The following SGPP2 variants were observed in gnomAD, a reference collection of about 807,000 sequenced individuals.
SGPP2 encodes the protein sphingosine 1-phosphate phosphohydrolase 2.
A neutral mutation model predicts 33.9 loss-of-function variants in SGPP2; 30 were observed. The ratio of observed to expected loss-of-function variants is 0.89; its 90% confidence interval spans 0.66 to 1.20. The LOEUF is 1.20. Among genes scored for constraint, SGPP2 ranks in the 50% most tolerant of loss-of-function variants. The pLI, the probability that SGPP2 is intolerant of heterozygous loss-of-function variation, is 0.00. For synonymous variants in SGPP2, 233 were observed against 225.0 expected (o/e 1.04, Z -0.32); for missense variants, 458 against 532.1 (o/e 0.86, Z 1.37).
At chr2:222,528,148 A>C (rs1382109844) in intron 4 of SGPP2, among the ~76,000 whole-genome samples, 1 of 152,164 alleles carries the variant, frequency 6.6e-6, no homozygotes, top group Non-Finnish European at 1.5e-5. Flanking sequence ...ACCCCATGGG[A>C]AGCTTCTAAA....
chr2:222,442,868 A>G (rs4597517), intron 1 of SGPP2, among the ~76,000 whole-genome samples: 118,934 of 152,108 alleles, frequency 0.78, 46,641 homozygotes, highest in Middle Eastern at 0.9. Context: ...ATAGCCCTCA[A>G]TATTAAGATT....
chr2:222,504,498 A>T (rs1320136418), intron 2 of SGPP2: 1 of 152,262 alleles, frequency 6.6e-6, no homozygotes. Context: ...GGTGATAGGA[A>T]TAATAACCCT....
chr2:222,456,592 C>T (rs572421129), intron 1 of SGPP2, among the ~76,000 whole-genome samples: 24 of 152,272 alleles, frequency 1.6e-4, no homozygotes, highest in African/African-American at 5.3e-4. Context: ...ATACCTAATC[C>T]TCAGTACAAA....
intron 1 of SGPP2, among the ~76,000 whole-genome samples, chr2:222,455,831 G>C (rs537362895): frequency 6.6e-6 from 1 of 152,340 alleles, no homozygotes; most frequent in East Asian, 1.9e-4. Flanking sequence ...GAGCCCAGGA[G>C]TTTGATGCTT....
At chr2:222,527,894 C>T (rs74613339) in intron 4 of SGPP2, among the ~76,000 whole-genome samples, 131 of 152,278 alleles carry the variant, frequency 8.6e-4, no homozygotes, top group African/African-American at 2.9e-3. Flanking sequence ...TCAGCTCCTA[C>T]AGGCCCCTGG....
In SGPP2 at chr2:222,500,930, A is replaced by G. The variant is rs561094039; in HGVS notation, c.379-20837A>G. ...TCTAGCGTGAGGAAATAGAACCAGC[A>G]ATATCAGCCTTTGGAGACAAAGAAC... On this transcript the variant is annotated intron_variant, in intron 2 of 4. Coordinates refer to ENST00000321276, the MANE Select transcript of SGPP2 (RefSeq NM_152386.4). 7.2e-4 allele frequency among the ~76,000 whole-genome samples: 109 copies of G among 152,330 alleles called. 1 individual carries two copies. Among genetic ancestry groups the G allele is most frequent in the South Asian group, 1.9e-3 (9 of 4,832 alleles).
At chr2:222,452,376 G>A (rs761151396) in intron 1 of SGPP2, 3 of 728,828 alleles carry the variant, frequency 4.1e-6, no homozygotes, top group Non-Finnish European at 7.5e-6. Context: ...GAGTCAAATT[G>A]AGTAATATCA....
chr2:222,535,144 AGGC>A (rs2106144252), intron 4 of SGPP2, among the ~76,000 whole-genome samples: 1 of 151,704 alleles, frequency 6.6e-6, no homozygotes, highest in Non-Finnish European at 1.5e-5. Flanking sequence ...TGGGAGGCAA[AGGC>A]GGGCAGATCA....
chr2:222,460,470 A>C lies in SGPP2; in HGVS notation c.220-14098A>C, dbSNP rs1697642114. 6.6e-6 allele frequency among the ~76,000 whole-genome samples: 1 copy of C among 152,196 alleles called. No homozygotes were observed. Among genetic ancestry groups the C allele is most frequent in the African/African-American group, 2.4e-5 (1 of 41,446 alleles). On this transcript the variant is annotated intron_variant, in intron 1 of 4. Coordinates refer to ENST00000321276, the MANE Select transcript of SGPP2 (RefSeq NM_152386.4). This position sits in a 1 kb window ranked among gnomAD's most constrained non-coding sequence, Gnocchi z 4.3. ...AATATGTCTGTGACTTCTCCTTAAG[A>C]TACATTTGAATCTGAAAAACAATGC...
intron 4 of SGPP2, among the ~76,000 whole-genome samples, chr2:222,556,967 C>T (rs1303866448): frequency 3.3e-5 from 5 of 152,058 alleles, no homozygotes; most frequent in Non-Finnish European, 7.4e-5. Context: ...TCTCCCTGCC[C>T]CCATCCACCC....
chr2:222,525,149 C>T (rs1698740112), intron 4 of SGPP2, 116 bp downstream of exon 4: 1 of 691,384 alleles, frequency 1.4e-6, no homozygotes, highest in Non-Finnish European at 2.4e-6. Flanking sequence ...AATTATATTT[C>T]TCATCATGCC....
intron 1 of SGPP2, among the ~76,000 whole-genome samples, chr2:222,471,206 G>A (rs765647050): frequency 3.6e-4 from 55 of 151,964 alleles, no homozygotes; most frequent in Admixed American, 7.2e-4. Context: ...TGCACTGCTC[G>A]GCTTGAGACT....
chr2:222,428,160 C>T (rs1334498816), intron 1 of SGPP2, among the ~76,000 whole-genome samples: 1 of 152,110 alleles, frequency 6.6e-6, no homozygotes, highest in African/African-American at 2.4e-5. Flanking sequence ...CTGGCTGGGA[C>T]AGGGTGGAGA....
At chr2:222,428,734 G>A (rs550189349) in intron 1 of SGPP2, among the ~76,000 whole-genome samples, 6 of 151,372 alleles carry the variant, frequency 4.0e-5, no homozygotes, top group African/African-American at 2.4e-5. Flanking sequence ...TCTGAACCTC[G>A]GTTGTCCCAT....
chr2:222,489,998 C>G (rs115763818), intron 2 of SGPP2, among the ~76,000 whole-genome samples: 1 of 152,020 alleles, frequency 6.6e-6, no homozygotes, highest in African/African-American at 2.4e-5. Flanking sequence ...AAATAAAACT[C>G]TGTGAAAGCC....
At chr2:222,503,558 A>G (rs1216702535) in intron 2 of SGPP2, among the ~76,000 whole-genome samples, 1 of 152,158 alleles carries the variant, frequency 6.6e-6, no homozygotes, top group Non-Finnish European at 1.5e-5. Flanking sequence ...ACAGGCCATC[A>G]TGCTTTTTTT....
intron 2 of SGPP2, among the ~76,000 whole-genome samples, chr2:222,500,983 T>TG: frequency 6.6e-6 from 1 of 152,358 alleles, no homozygotes; most frequent in South Asian, 2.1e-4. Context: ...GAGACAATCA[T>TG]CTGCTGTTCT....
At chr2:222,427,213 G>C (rs1283904177) in intron 1 of SGPP2, among the ~76,000 whole-genome samples, 1 of 152,160 alleles carries the variant, frequency 6.6e-6, no homozygotes, top group African/African-American at 2.4e-5. Flanking sequence ...GGAGGGACTA[G>C]TGACTTTTGT....
At chr2:222,514,811 A>G (rs185809017) in intron 2 of SGPP2, among the ~76,000 whole-genome samples, 232 of 152,278 alleles carry the variant, frequency 1.5e-3, no homozygotes, top group African/African-American at 5.2e-3. Flanking sequence ...AGTGACTGCA[A>G]TCACTGCACT....
Sources: gnomAD v4.1 joint callset for allele counts (sites outside exome capture counted in the v4.1 genomes callset) on GRCh38, gnomAD v4.1.1 for gene constraint, Gnocchi (gnomAD v3.1) non-coding constraint, MANE v1.5 for transcripts, NCBI Gene and HGNC (gene_info 2026-07-23, HGNC 2026-07-21) for gene names.